Variants in VIRMA observed in about 807,000 individuals in gnomAD.
VIRMA encodes vir like m6A methyltransferase associated, also known as protein virilizer homolog.
In VIRMA, 65 loss-of-function variants were observed where a neutral mutation model predicts 182.4. The ratio of observed to expected loss-of-function variants is 0.36; its 90% confidence interval spans 0.29 to 0.44. The LOEUF (loss-of-function observed/expected upper bound fraction) is 0.44, where lower values mean the gene tolerates loss of function less well. VIRMA is among the 20% of genes least tolerant of loss of function. VIRMA has a pLI of 1.00. For missense variants in VIRMA, 1,752 were observed against 2,158.1 expected (o/e 0.81, Z 3.73); for synonymous variants, 709 against 743.1 (o/e 0.95, Z 0.75).
chr8:94,543,756 T>G, intron 2 of VIRMA, 71 bp downstream of exon 2: 1 of 828,574 alleles, frequency 1.2e-6, no homozygotes, highest in Non-Finnish European at 2.0e-6. Flanking sequence ...CCCTTACATT[T>G]TTGCATTTAA....
chr8:94,509,055 G>A (rs539888869), intron 15 of VIRMA, among the ~76,000 whole-genome samples: 2 of 152,282 alleles, frequency 1.3e-5, no homozygotes, highest in Non-Finnish European at 2.9e-5. Flanking sequence ...AGCCTTCAAA[G>A]ATTGCCCCAA....
At chr8:94,527,834 T>C (rs954394833) in intron 7 of VIRMA, among the ~76,000 whole-genome samples, 1 of 152,222 alleles carries the variant, frequency 6.6e-6, no homozygotes, top group African/African-American at 2.4e-5. Context: ...AAAACCATTG[T>C]AGATTCGTTT....
Position 94,510,482 on chromosome 8 carries a change from A to G in VIRMA, c.3561T>C (p.Leu1187=). 1 of 1,614,148 alleles carries G rather than the reference A, an allele frequency of 6.2e-7. No homozygotes were observed. The highest frequency in any genetic ancestry group is 8.5e-7 in the Non-Finnish European group (1 of 1,180,010). Residue 1187 remains leucine, a synonymous_variant, in exon 14 of 24, where the codon CTT becomes CTC. Coordinates refer to ENST00000297591, the MANE Select transcript of VIRMA (RefSeq NM_015496.5). ...LRRICVQLCD[L]ASPTALLIMR... ...TAATCAGAAGTGCAGTTGGTGAGGC[A>G]AGGTCACACAATTGAACACAAATAC...
intron 8 of VIRMA, among the ~76,000 whole-genome samples, chr8:94,524,341 GT>G (rs1814880477): frequency 6.6e-6 from 1 of 151,368 alleles, no homozygotes; most frequent in African/African-American, 2.4e-5. Context: ...GTCTCACTCT[GT>G]AGCCCAGGCT....
At chr8:94,503,832 A>C (rs1814068681) in intron 16 of VIRMA, among the ~76,000 whole-genome samples, 1 of 152,048 alleles carries the variant, frequency 6.6e-6, no homozygotes, top group African/African-American at 2.4e-5. Flanking sequence ...AGGACTATAT[A>C]AGAAAAAGTA....
At chr8:94,530,527 AAAAAAG>A (rs890201603) in intron 6 of VIRMA, among the ~76,000 whole-genome samples, 1 of 151,976 alleles carries the variant, frequency 6.6e-6, no homozygotes, top group African/African-American at 2.4e-5. Flanking sequence ...AGAAAGAAAG[AAAAAAG>A]AAAAAGAAAA....
intron 8 of VIRMA, among the ~76,000 whole-genome samples, chr8:94,525,506 G>A (rs928775440): frequency 7.2e-5 from 11 of 152,206 alleles, no homozygotes; most frequent in African/African-American, 2.2e-4. Flanking sequence ...CAGGAACTTG[G>A]ATAAGTGGAG....
chr8:94,496,225 G>T, intron 18 of VIRMA, 103 bp downstream of exon 18: 1 of 955,120 alleles, frequency 1.0e-6, no homozygotes, highest in Non-Finnish European at 1.5e-6. Context: ...CAAACACCCA[G>T]CTAAAGATTC....
At chr8:94,491,968 T>A in intron 21 of VIRMA, 59 bp from the exon 22 acceptor site, 1 of 1,334,352 alleles carries the variant, frequency 7.5e-7, no homozygotes, top group South Asian at 1.6e-5. Context: ...GCAAAAATAA[T>A]CTTTATAATA....
At chr8:94,547,190 T>C (rs1026410419) in intron 1 of VIRMA, 3 of 322,144 alleles carry the variant, frequency 9.3e-6, no homozygotes, top group African/African-American at 2.3e-5. Flanking sequence ...TGTATATTCA[T>C]AGTGCCTAGC....
chr8:94,546,762 G>A (rs544952530), intron 1 of VIRMA: 4 of 337,282 alleles, frequency 1.2e-5, no homozygotes, highest in Admixed American at 3.7e-5. Context: ...TCATTCTTAC[G>A]CCTTTGCATC....
intron 11 of VIRMA, among the ~76,000 whole-genome samples, chr8:94,513,391 G>A (rs911456810): frequency 5.0e-5 from 7 of 139,564 alleles, no homozygotes; most frequent in Admixed American, 1.5e-4. Context: ...TTCAAAAAAC[G>A]TTACTATCTC....
rs904571213 is a variant in VIRMA at position 94,527,489 on chromosome 8, C to T, written c.881-126G>A. On this transcript the variant is annotated intron_variant, in intron 7 of 23. Coordinates refer to ENST00000297591, the MANE Select transcript of VIRMA (RefSeq NM_015496.5). Reference sequence around the variant, plus strand: ...ATTTCCTCAACAAAACCAACTTCTGCCCCAACATCTTACCCACAATTTTAC... The same window carrying T: ...ATTTCCTCAACAAAACCAACTTCTGTCCCAACATCTTACCCACAATTTTAC... 8.7e-6 allele frequency: 5 copies of T among 573,730 alleles called. 1 individual carries two copies. In the South Asian group the frequency reaches 1.3e-4, roughly 15 times the overall value. 35.5% of individuals were successfully genotyped at this position (573,730 alleles called of 1,614,324 possible).
rs1815276764 is a variant in VIRMA at position 94,534,707 on chromosome 8, CCCCCTCTCTT to C, written c.484+122_484+131del. On this transcript the variant is annotated intron_variant, in intron 5 of 23. Transcript: ENST00000297591. ...CCTCTCATCTCCTCCCTCCCTCTCT[CCCCCTCTCTT>C]CCTCTCTCCCTCTCAAGAAATAAAA... The C allele has an allele frequency of 1.6e-5, 16 of 1,014,336 alleles. No homozygotes were observed. In the South Asian group the frequency reaches 2.6e-4, roughly 17 times the overall value. 62.8% of individuals were successfully genotyped at this position (1,014,336 alleles called of 1,614,324 possible).
chr8:94,528,231 CAAAAA>C (rs11368037), intron 7 of VIRMA, among the ~76,000 whole-genome samples: 2 of 91,820 alleles, frequency 2.2e-5, no homozygotes, highest in Non-Finnish European at 2.4e-5. Flanking sequence ...GACTTTGTCT[CAAAAA>C]AAAAAAAAAA....
In VIRMA at chr8:94,492,835, G is replaced by T; in HGVS notation, c.4642-17C>A. 3 of 1,583,236 alleles carry T rather than the reference G, an allele frequency of 1.9e-6. No homozygotes were observed. The highest frequency in any genetic ancestry group is 2.6e-6 in the Non-Finnish European group (3 of 1,156,716). The stretch of plus-strand genomic sequence containing the variant: ...AACCTTTACCTGCAGTCATAATAAT[G>T]AAACAAAACACATATTAAATGTAAT... On this transcript the variant is annotated splice_polypyrimidine_tract_variant and intron_variant, in intron 20 of 23. Transcript: ENST00000297591.
intron 13 of VIRMA, 133 bp from the exon 14 acceptor site, chr8:94,510,785 A>G (rs1814341215): frequency 3.9e-6 from 3 of 774,684 alleles, no homozygotes; most frequent in Non-Finnish European, 6.1e-6. Flanking sequence ...TTTCTATTAT[A>G]CAGTTAAACA....
intron 2 of VIRMA, among the ~76,000 whole-genome samples, chr8:94,539,390 G>A (rs1369140409): frequency 1.3e-5 from 2 of 151,992 alleles, no homozygotes; most frequent in African/African-American, 4.8e-5. Context: ...TAGATTATTT[G>A]GTTAATATCA....
At position 94,520,185 on chromosome 8, in the gene VIRMA, CAAAAAAAAAAAA is replaced by C. The variant is rs757063695; in HGVS notation, c.2022-721_2022-710del. 3.6e-5 allele frequency among the ~76,000 whole-genome samples: 3 copies of C among 82,978 alleles called. No homozygotes were observed. The Admixed American group carries it at 3.8e-4, about 11-fold the overall frequency. 54.4% of individuals were successfully genotyped at this position (82,978 alleles called of 152,430 possible). On this transcript the variant is annotated intron_variant, in intron 8 of 23. Transcript: ENST00000297591. ...CTCCAACCTGAGTGAGACCCTGCAT[CAAAAAAAAAAAA>C]AAAAAAAAAAGCCTGGGCTGGCTGT...
Sources: gnomAD v4.1 joint callset for allele counts (sites outside exome capture counted in the v4.1 genomes callset) on GRCh38, gnomAD v4.1.1 for gene constraint, MANE v1.5 for transcripts, NCBI Gene and HGNC (gene_info 2026-07-23, HGNC 2026-07-21) for gene names.